NOS1: variants seen among roughly 807,000 people sequenced by gnomAD.
NOS1 encodes the protein NOS type I.
A neutral mutation model predicts 164.5 loss-of-function variants in NOS1; 51 were observed. The ratio of observed to expected loss-of-function variants is 0.31; its 90% CI spans 0.25 to 0.39. NOS1 has a LOEUF of 0.39. Ranked by LOEUF, NOS1 falls within the 10% of genes least tolerant of loss-of-function variation. The pLI, the probability that NOS1 is intolerant of heterozygous loss-of-function variation, is 1.00. For missense variants in NOS1, 1,362 were observed against 1,885.6 expected (o/e 0.72, Z 5.14); for synonymous variants, 719 against 745.8 (o/e 0.96, Z 0.59).
At chr12:117,284,921 G>A (rs1873981738) in intron 7 of NOS1, among the ~76,000 whole-genome samples, 1 of 151,664 alleles carries the variant, frequency 6.6e-6, no homozygotes, top group Non-Finnish European at 1.5e-5. Context: ...TGTGGTGGCG[G>A]GTGCTTGGGT....
Position 117,212,902 on chromosome 12 carries a change from G to A in NOS1, c.*2407C>T, listed in dbSNP as rs1956550319. ...GCAAATGAAAGAAACACATCAGATC[G>A]CTCTCCTGCCTTCTAGCCTGGAGTT... On this transcript the variant is annotated 3_prime_UTR_variant, in exon 29 of 29. Transcript: ENST00000317775. 3.0e-6 allele frequency: 3 copies of A among 985,360 alleles called. No homozygotes were observed. The highest frequency in any genetic ancestry group is 4.7e-5 in the South Asian group (1 of 21,286). 61.0% of individuals were successfully genotyped at this position (985,360 alleles called of 1,614,324 possible).
intron 2 of NOS1, among the ~76,000 whole-genome samples, chr12:117,329,490 C>T (rs528507): frequency 1 from 151,603 of 152,220 alleles, 75,495 homozygotes; most frequent in East Asian, 1. Context: ...CCTGGCAGCA[C>T]TGGGGGCTGT....
chr12:117,299,542 G>C (rs1297960721), intron 3 of NOS1, among the ~76,000 whole-genome samples: 1 of 151,760 alleles, frequency 6.6e-6, no homozygotes, highest in East Asian at 1.9e-4. Context: ...GGGAGGCTGA[G>C]GCAGGAGAAT....
At chr12:117,227,789 G>A in intron 22 of NOS1, 148 bp from the exon 23 acceptor site, 1 of 756,354 alleles carries the variant, frequency 1.3e-6, no homozygotes, top group South Asian at 1.5e-5. Context: ...TGCTTTGGGG[G>A]GCCGGGGAGA....
chr12:117,249,018 T>C (rs1007860684), intron 17 of NOS1, among the ~76,000 whole-genome samples: 3 of 152,222 alleles, frequency 2.0e-5, no homozygotes, highest in Admixed American at 6.5e-5. Flanking sequence ...TCTGTTCATG[T>C]CCTTTGCCCA....
At chr12:117,248,023 CCT>C (rs543248115) in intron 17 of NOS1, among the ~76,000 whole-genome samples, 17 of 150,396 alleles carry the variant, frequency 1.1e-4, no homozygotes, top group African/African-American at 4.1e-4. Context: ...TCTCTAGCTC[CCT>C]CTCTCTCTCT....
Position 117,215,239 on chromosome 12 carries a change from C to G in NOS1, c.*70G>C. The G allele has an allele frequency of 9.1e-6, 13 of 1,430,036 alleles. No individual in the cohort carries two copies. Among genetic ancestry groups the G allele is most frequent in the Middle Eastern group, 1.9e-4 (1 of 5,278 alleles). The allele number at this position is 1,430,036 out of a possible 1,614,324, so 88.6% of individuals were successfully genotyped here. A position where few individuals can be genotyped will look rare whatever the true frequency, so the allele number is the denominator to read the frequency against. ...GGCAGAGCGAGGGCCACAGGGGGTC[C>G]CAGAGGAAAGGTTCAGCAGTGTCTG... is the stretch of plus-strand genomic sequence containing the variant. On this transcript the variant is annotated 3_prime_UTR_variant, in exon 29 of 29. Transcript: ENST00000317775.
intron 1 of NOS1, among the ~76,000 whole-genome samples, chr12:117,342,715 T>A (rs765058797): frequency 6.6e-6 from 1 of 152,072 alleles, no homozygotes; most frequent in Non-Finnish European, 1.5e-5. Context: ...TGGTCAGATT[T>A]AGATTTTATG....
chr12:117,211,391 TA>T lies in NOS1; in HGVS notation c.*3917del. On this transcript the variant is annotated 3_prime_UTR_variant, in exon 29 of 29. Transcript: ENST00000317775. ...CTCACTCAAGCCTTGGTTGCAGCAA[TA>T]ACCCCCCCAACAGCTCAACGGGCCA... The T allele has an allele frequency of 1.0e-6, 1 of 985,412 alleles. No individual in the cohort carries two copies. The highest frequency in any genetic ancestry group is 4.7e-5 in the South Asian group (1 of 21,274). 61.0% of individuals were successfully genotyped at this position (985,412 alleles called of 1,614,324 possible). A position where few individuals can be genotyped will look rare whatever the true frequency, so the allele number is the denominator to read the frequency against.
chr12:117,359,885 T>C (rs1371376660), intron 1 of NOS1, among the ~76,000 whole-genome samples: 1 of 20,308 alleles, frequency 4.9e-5, no homozygotes, highest in Non-Finnish European at 9.6e-5. Context: ...TTTATATATA[T>C]ATATATATAT....
At chr12:117,358,528 T>C (rs1876965156) in intron 1 of NOS1, among the ~76,000 whole-genome samples, 1 of 152,254 alleles carries the variant, frequency 6.6e-6, no homozygotes, top group South Asian at 2.1e-4. Flanking sequence ...CCTTCCTTCC[T>C]TACAATCACC....
intron 1 of NOS1, among the ~76,000 whole-genome samples, chr12:117,340,071 A>T (rs1876025412): frequency 6.6e-6 from 1 of 151,968 alleles, no homozygotes; most frequent in African/African-American, 2.4e-5. Flanking sequence ...GTGGTGTAAT[A>T]ACAGCTAACT....
chr12:117,276,175 G>A (rs960972108), intron 9 of NOS1, among the ~76,000 whole-genome samples: 2 of 152,118 alleles, frequency 1.3e-5, no homozygotes, highest in African/African-American at 4.8e-5. Flanking sequence ...GTTATCCTTC[G>A]AGTTACAAAG....
chr12:117,301,032 T>C (rs554229792), intron 3 of NOS1, among the ~76,000 whole-genome samples: 43 of 152,096 alleles, frequency 2.8e-4, no homozygotes, highest in Non-Finnish European at 5.1e-4. Flanking sequence ...CCATCTGTAG[T>C]TTGTCTTGAA....
intron 28 of NOS1, among the ~76,000 whole-genome samples, chr12:117,216,690 G>A (rs902271718): frequency 2.1e-4 from 32 of 151,872 alleles, no homozygotes; most frequent in African/African-American, 7.0e-4. Flanking sequence ...CGTTGCCCAG[G>A]CTGATCTTGA....
chr12:117,285,784 T>G (rs1295221687), intron 6 of NOS1, among the ~76,000 whole-genome samples: 1 of 151,952 alleles, frequency 6.6e-6, no homozygotes, highest in Non-Finnish European at 1.5e-5. Context: ...CTTCAGGGAG[T>G]AGGCAGATAA....
chr12:117,286,293 A>C (rs1303886358), intron 5 of NOS1, 27 bp from the exon 6 acceptor site: 1 of 1,612,406 alleles, frequency 6.2e-7, no homozygotes, highest in South Asian at 1.1e-5. Flanking sequence ...GGACATGGGA[A>C]CATCACCCCC....
intron 1 of NOS1, among the ~76,000 whole-genome samples, chr12:117,334,568 T>A (rs1215382726): frequency 6.6e-6 from 1 of 152,048 alleles, no homozygotes; most frequent in Non-Finnish European, 1.5e-5. Flanking sequence ...GCTAATTTTG[T>A]ATTTTTAGTA....
intron 20 of NOS1, among the ~76,000 whole-genome samples, chr12:117,241,500 G>A (rs1870177067): frequency 6.6e-6 from 1 of 151,054 alleles, no homozygotes; most frequent in Non-Finnish European, 1.5e-5. Flanking sequence ...TGGCACCTGG[G>A]AGCAGAGGTG....
Sources: gnomAD v4.1 joint callset for allele counts (sites outside exome capture counted in the v4.1 genomes callset) on GRCh38, gnomAD v4.1.1 for gene constraint, MANE v1.5 for transcripts, NCBI Gene and HGNC (gene_info 2026-07-23, HGNC 2026-07-21) for gene names.